DOK6: variants seen among roughly 807,000 people sequenced by gnomAD.
DOK6 encodes the protein docking protein 6.
A neutral mutation model predicts 44.0 loss-of-function variants in DOK6; 22 were observed. The ratio of observed to expected loss-of-function variants is 0.50; its 90% confidence interval spans 0.36 to 0.71. The LOEUF is 0.71. DOK6 is among the 30% of genes least tolerant of loss of function. DOK6 has a pLI of 0.00. For synonymous variants in DOK6, 166 were observed against 145.5 expected, an observed-to-expected ratio of 1.14 and a Z score of -1.01; for missense variants, 340 against 416.4, an observed-to-expected ratio of 0.82 and a Z score of 1.60.
chr18:69,670,210 C>T (rs1204906314), intron 3 of DOK6, among the ~76,000 whole-genome samples: 2 of 152,104 alleles, frequency 1.3e-5, no homozygotes, highest in East Asian at 1.9e-4. Context: ...TGGGGACTAA[C>T]GTCAAAATGT....
At chr18:69,624,460 T>C (rs8096827) in intron 3 of DOK6, among the ~76,000 whole-genome samples, 1 of 151,940 alleles carries the variant, frequency 6.6e-6, no homozygotes, top group Non-Finnish European at 1.5e-5. Context: ...TATTTTTCTG[T>C]AATCAGGTAA....
At chr18:69,623,597 G>C (rs554841187) in intron 3 of DOK6, among the ~76,000 whole-genome samples, 14 of 152,118 alleles carry the variant, frequency 9.2e-5, no homozygotes, top group African/African-American at 3.4e-4. Flanking sequence ...GGAAACAGAG[G>C]GATCTAACCC....
At position 69,534,424 on chromosome 18, in the gene DOK6, A is replaced by T. The variant is rs146278996; in HGVS notation, c.67-30063A>T. On this transcript the variant is annotated intron_variant, in intron 1 of 7. Transcript: ENST00000382713. ...ATATACATGTATGTGTTTTAGATAT[A>T]TAATTGTTTCCCATCTAAGAATTCC... Among the ~76,000 whole-genome samples, 263 of 152,264 alleles carry T rather than the reference A, an allele frequency of 1.7e-3. 6 individuals are homozygous for T. In the East Asian group the frequency reaches 0.045, roughly 26 times the overall value.
rs1555671960 is a variant in DOK6 at position 69,803,863 on chromosome 18, A to AAT, written c.857-37371_857-37370dup. ...ACAGAGCAAGGCTCCGTCTCAAAAA[A>AAT]ATATATATATAGCTATGACCCACAC... On this transcript the variant is annotated intron_variant, in intron 7 of 7. Transcript: ENST00000382713. Among the ~76,000 whole-genome samples, 343 of 152,220 alleles carry AAT rather than the reference A, an allele frequency of 2.3e-3. 2 individuals carry two copies. Among genetic ancestry groups the AAT allele is most frequent in the African/African-American group, 7.8e-3 (324 of 41,536 alleles).
chr18:69,535,969 G>T (rs559372872), intron 1 of DOK6, among the ~76,000 whole-genome samples: 1 of 152,192 alleles, frequency 6.6e-6, no homozygotes, highest in East Asian at 1.9e-4. Flanking sequence ...ATGAAATCCA[G>T]AATTCTGCCA....
At chr18:69,798,080 G>T (rs1980800493) in intron 7 of DOK6, among the ~76,000 whole-genome samples, 2 of 152,062 alleles carry the variant, frequency 1.3e-5, no homozygotes, top group South Asian at 4.1e-4. Context: ...TCTAGTCTGT[G>T]GACATATCCG....
chr18:69,824,096 C>A (rs527443276), intron 7 of DOK6, among the ~76,000 whole-genome samples: 1 of 151,366 alleles, frequency 6.6e-6, no homozygotes, highest in Admixed American at 6.6e-5. Flanking sequence ...GCACAACGTG[C>A]AGGTTAGTTA....
chr18:69,632,712 A>G (rs184585168), intron 3 of DOK6, among the ~76,000 whole-genome samples: 30 of 152,362 alleles, frequency 2.0e-4, no homozygotes, highest in African/African-American at 7.2e-4. Flanking sequence ...GCCACTTTTC[A>G]ATATTTTGTT....
intron 1 of DOK6, among the ~76,000 whole-genome samples, chr18:69,530,792 G>C (rs1981963430): frequency 6.6e-6 from 1 of 152,134 alleles, no homozygotes; most frequent in Non-Finnish European, 1.5e-5. Flanking sequence ...GCTTGGTGCA[G>C]AGCTGAGTTC....
At chr18:69,688,239 A>G (rs990355561) in intron 4 of DOK6, among the ~76,000 whole-genome samples, 1 of 152,210 alleles carries the variant, frequency 6.6e-6, no homozygotes, top group African/African-American at 2.4e-5. Flanking sequence ...GGAACACTCA[A>G]TATCATTAAG....
At chr18:69,770,281 A>C (rs1028905699) in intron 7 of DOK6, among the ~76,000 whole-genome samples, 1 of 152,150 alleles carries the variant, frequency 6.6e-6, no homozygotes, top group African/African-American at 2.4e-5. Flanking sequence ...GCCAAAGGAC[A>C]CAGAGTGGGA....
chr18:69,433,363 A>AATATG (rs1978859694), intron 1 of DOK6, among the ~76,000 whole-genome samples: 2 of 152,212 alleles, frequency 1.3e-5, no homozygotes, highest in Non-Finnish European at 2.9e-5. Context: ...CAAAAGCATA[A>AATATG]TAGTTTTGAC....
intron 7 of DOK6, among the ~76,000 whole-genome samples, chr18:69,782,269 C>G (rs1980296024): frequency 6.9e-6 from 1 of 145,886 alleles, no homozygotes; most frequent in Admixed American, 7.0e-5. Context: ...TGGAGTGCAG[C>G]GGCGAGATCT....
At chr18:69,632,907 T>C (rs1984721953) in intron 3 of DOK6, among the ~76,000 whole-genome samples, 1 of 152,184 alleles carries the variant, frequency 6.6e-6, no homozygotes, top group Non-Finnish European at 1.5e-5. Flanking sequence ...AAGACACAAG[T>C]ACTCATAGAA....
intron 1 of DOK6, among the ~76,000 whole-genome samples, chr18:69,500,340 A>G (rs1251594516): frequency 2.6e-5 from 4 of 152,120 alleles, no homozygotes; most frequent in African/African-American, 9.7e-5. Context: ...TTCTGCATGG[A>G]CAAAGGACTT....
chr18:69,841,676 C>G lies in DOK6; in HGVS notation c.*293C>G, dbSNP rs569870869. On this transcript the variant is annotated 3_prime_UTR_variant, in exon 8 of 8. Coordinates refer to ENST00000382713, the MANE Select transcript of DOK6 (RefSeq NM_152721.6). ...CTTTGGGTCTGACAGTAACAGAAAC[C>G]TCAGCACTGGGAAAAGTTGCCCACA... 9.9e-5 allele frequency: 31 copies of G among 313,028 alleles called. No individual in the cohort carries two copies. Among genetic ancestry groups the G allele is most frequent in the African/African-American group, 5.4e-4 (26 of 47,964 alleles). 19.4% of individuals were successfully genotyped at this position (313,028 alleles called of 1,614,324 possible). A position where few individuals can be genotyped will look rare whatever the true frequency, so the allele number is the denominator to read the frequency against.
chr18:69,761,203 T>TC (rs1033675917), intron 7 of DOK6, among the ~76,000 whole-genome samples: 5 of 150,956 alleles, frequency 3.3e-5, no homozygotes, highest in African/African-American at 9.9e-5. Flanking sequence ...TTCTATCTAT[T>TC]AAGAGCCTGC....
intron 3 of DOK6, among the ~76,000 whole-genome samples, chr18:69,658,497 CTACTAT>C (rs1985427364): frequency 6.6e-6 from 1 of 152,060 alleles, no homozygotes; most frequent in African/African-American, 2.4e-5. Flanking sequence ...ATAATTACTA[CTACTAT>C]TACTATTGCT....
intron 1 of DOK6, among the ~76,000 whole-genome samples, chr18:69,467,580 T>C (rs922875826): frequency 6.6e-6 from 1 of 152,208 alleles, no homozygotes; most frequent in Non-Finnish European, 1.5e-5. Context: ...GACTAATTTA[T>C]ATTTGGCTCA....
Sources: gnomAD v4.1 joint callset for allele counts (sites outside exome capture counted in the v4.1 genomes callset) on GRCh38, gnomAD v4.1.1 for gene constraint, MANE v1.5 for transcripts, NCBI Gene and HGNC (gene_info 2026-07-23, HGNC 2026-07-21) for gene names.